Variants in SP100 observed in about 807,000 individuals in gnomAD.
SP100 encodes the protein nuclear autoantigen Sp-100.
SP100 carries 84 observed loss-of-function variants against 130.0 expected under a neutral mutation model. That is an observed-to-expected ratio of 0.65 (90% confidence interval 0.54 to 0.77). The LOEUF (loss-of-function observed/expected upper bound fraction) is 0.77, where lower values mean the gene tolerates loss of function less well. Among genes scored for constraint, SP100 ranks in the 30% least tolerant of loss-of-function variants. The pLI is 0.00. For synonymous variants in SP100, 331 were observed against 351.7 expected (o/e 0.94, Z 0.66); for missense variants, 978 against 1,052.2 (o/e 0.93, Z 0.97).
At chr2:230,497,916 A>T (rs1373277495) in intron 18 of SP100, among the ~76,000 whole-genome samples, 1 of 152,178 alleles carries the variant, frequency 6.6e-6, no homozygotes, top group East Asian at 1.9e-4. Context: ...GAGGGCTAAG[A>T]TGGTGGCTAG....
At chr2:230,497,880 G>A (rs775366351) in intron 18 of SP100, among the ~76,000 whole-genome samples, 15 of 152,132 alleles carry the variant, frequency 9.9e-5, no homozygotes, top group Non-Finnish European at 2.2e-4. Context: ...CATTTTCACT[G>A]TATTTTCAGC....
chr2:230,528,012 C>T (rs777688776), intron 24 of SP100, among the ~76,000 whole-genome samples: 1 of 152,174 alleles, frequency 6.6e-6, no homozygotes, highest in African/African-American at 2.4e-5. Context: ...CAATATTAGA[C>T]ATATCAATGA....
chr2:230,525,164 A>T (rs900814924), intron 24 of SP100, among the ~76,000 whole-genome samples: 2 of 151,992 alleles, frequency 1.3e-5, no homozygotes, highest in African/African-American at 4.8e-5. Flanking sequence ...CTTATTTTTT[A>T]AAAAAAAGAA....
intron 2 of SP100, among the ~76,000 whole-genome samples, chr2:230,427,807 A>G (rs896543198): frequency 1.3e-5 from 2 of 152,248 alleles, no homozygotes; most frequent in Non-Finnish European, 2.9e-5. Context: ...CTTCAAACAC[A>G]TACAAAACTC....
At chr2:230,513,857 A>C (rs1690754755) in intron 24 of SP100, among the ~76,000 whole-genome samples, 1 of 152,280 alleles carries the variant, frequency 6.6e-6, no homozygotes, top group Non-Finnish European at 1.5e-5. Context: ...TTGAGGCAAA[A>C]AAGTAGTTGC....
chr2:230,541,133 C>A, intron 26 of SP100, 137 bp downstream of exon 26: 1 of 1,249,118 alleles, frequency 8.0e-7, no homozygotes, highest in Non-Finnish European at 1.1e-6. Context: ...CATGACCTAA[C>A]GCTACAATTC....
At chr2:230,515,772 T>G in intron 24 of SP100, 1 of 1,494,976 alleles carries the variant, frequency 6.7e-7, no homozygotes, top group Non-Finnish European at 8.8e-7. Context: ...CACTGTGTTT[T>G]TTTGTATAGT....
chr2:230,444,495 C>A, intron 4 of SP100, 149 bp downstream of exon 4: 1 of 645,264 alleles, frequency 1.5e-6, no homozygotes, highest in Non-Finnish European at 2.6e-6. Flanking sequence ...CTTCTCTTAG[C>A]TCATGGCGTA....
chr2:230,423,036 T>C (rs1232314082), intron 2 of SP100, among the ~76,000 whole-genome samples: 1 of 152,230 alleles, frequency 6.6e-6, no homozygotes, highest in Non-Finnish European at 1.5e-5. Context: ...TATGCACATA[T>C]ATGTATTAGA....
At chr2:230,491,884 C>T (rs1477355370) in intron 17 of SP100, among the ~76,000 whole-genome samples, 3 of 152,190 alleles carry the variant, frequency 2.0e-5, no homozygotes, top group Non-Finnish European at 4.4e-5. Flanking sequence ...ATGTGAGCCA[C>T]CTCTGAGTCT....
intron 11 of SP100, among the ~76,000 whole-genome samples, chr2:230,465,192 T>C (rs1017229389): frequency 6.6e-6 from 1 of 151,774 alleles, no homozygotes; most frequent in Non-Finnish European, 1.5e-5. Flanking sequence ...GCCAAGATCA[T>C]ACCACTGCAC....
chr2:230,530,205 C>G (rs537663425), intron 24 of SP100, among the ~76,000 whole-genome samples: 2 of 152,312 alleles, frequency 1.3e-5, no homozygotes, highest in Non-Finnish European at 2.9e-5. Flanking sequence ...GTAACCAAAA[C>G]AGCATGGTAC....
intron 15 of SP100, chr2:230,470,441 G>A: frequency 1.0e-6 from 1 of 996,114 alleles, no homozygotes; most frequent in Admixed American, 5.8e-5. Flanking sequence ...TGACATCATT[G>A]TCATTTGTAA....
intron 8 of SP100, among the ~76,000 whole-genome samples, chr2:230,459,800 T>G (rs2064487383): frequency 6.6e-6 from 1 of 152,232 alleles, no homozygotes; most frequent in Admixed American, 6.5e-5. Context: ...GTCTTGCTCC[T>G]CTCAAGTCTG....
chr2:230,481,275 A>T (rs915686484), intron 17 of SP100, among the ~76,000 whole-genome samples: 3 of 152,224 alleles, frequency 2.0e-5, no homozygotes. Context: ...CCAAACTTCT[A>T]CCTGAAGTCT....
At chr2:230,484,794 C>T (rs1477884715) in intron 17 of SP100, among the ~76,000 whole-genome samples, 1 of 152,062 alleles carries the variant, frequency 6.6e-6, no homozygotes, top group Non-Finnish European at 1.5e-5. Flanking sequence ...AATTGCTTCC[C>T]TTGGGTTTTC....
chr2:230,511,259 G>A (rs16827319), intron 24 of SP100, 93 bp downstream of exon 24: 80,825 of 898,110 alleles, frequency 0.09, 4,051 homozygotes, highest in African/African-American at 0.13. Flanking sequence ...AGCATGCTCA[G>A]TCTCAGTTGG....
chr2:230,499,885 T>C lies in SP100; in HGVS notation c.1720+1350T>C, dbSNP rs1468789901. Among the ~76,000 whole-genome samples, 3 of 152,194 alleles carry C rather than the reference T, an allele frequency of 2.0e-5. No homozygotes were observed. In the East Asian group the frequency reaches 5.8e-4, roughly 29 times the overall value. On this transcript the variant is annotated intron_variant, in intron 19 of 28. Transcript: ENST00000340126. ...GGCTTGAGAGAAGGTATCTGACAAT[T>C]CTCTCCAGAGAAATGTGGCCTCTCT... is the stretch of plus-strand genomic sequence containing the variant.
chr2:230,467,277 G>A (rs1027324170), intron 13 of SP100, 62 bp downstream of exon 13: 2 of 1,190,096 alleles, frequency 1.7e-6, no homozygotes, highest in Non-Finnish European at 2.5e-6. Context: ...CTGATGCACT[G>A]TGCTCTGAGC....
Sources: allele counts gnomAD v4.1 joint callset (sites outside exome capture counted in the v4.1 genomes callset), GRCh38; gene constraint gnomAD v4.1.1; transcripts MANE v1.5; gene names NCBI Gene and HGNC (gene_info 2026-07-23, HGNC 2026-07-21).